CHSY3: variants seen among roughly 807,000 people sequenced by gnomAD.
The protein encoded by CHSY3 is N-acetylgalactosaminyl-proteoglycan 3-beta-glucuronosyltransferase 3.
Under a neutral mutation model 67.2 loss-of-function variants are expected in CHSY3, and 35 were observed. The observed-to-expected ratio is 0.52, with a 90% CI of 0.40 to 0.69. The LOEUF (loss-of-function observed/expected upper bound fraction) is 0.69, where lower values mean the gene tolerates loss of function less well. CHSY3 is among the 30% of genes least tolerant of loss of function. CHSY3 has a pLI of 0.00. For synonymous variants in CHSY3, 474 were observed against 434.7 expected (o/e 1.09, Z -1.12); for missense variants, 1,069 against 1,138.5 (o/e 0.94, Z 0.88).
chr5:130,100,503 A>G (rs1767206626), intron 2 of CHSY3, among the ~76,000 whole-genome samples: 1 of 152,184 alleles, frequency 6.6e-6, no homozygotes, highest in East Asian at 1.9e-4. Flanking sequence ...TGATGCTCAT[A>G]CACACCTATT....
intron 2 of CHSY3, among the ~76,000 whole-genome samples, chr5:129,945,472 A>T (rs1330518322): frequency 6.6e-6 from 1 of 151,906 alleles, no homozygotes; most frequent in Non-Finnish European, 1.5e-5. Flanking sequence ...AAATTTTTAA[A>T]GTTTTAATAT....
chr5:130,044,961 G>A (rs1358600073), intron 2 of CHSY3, among the ~76,000 whole-genome samples: 1 of 152,038 alleles, frequency 6.6e-6, no homozygotes, highest in Non-Finnish European at 1.5e-5. Flanking sequence ...TAGCATACTT[G>A]GATGGCATAA....
intron 2 of CHSY3, among the ~76,000 whole-genome samples, chr5:129,960,360 A>G (rs1762295483): frequency 6.6e-6 from 1 of 151,946 alleles, no homozygotes; most frequent in South Asian, 2.1e-4. Context: ...ATTTCCTGAT[A>G]CTCTTTAAAA....
intron 2 of CHSY3, among the ~76,000 whole-genome samples, chr5:130,048,431 T>C (rs568622680): frequency 1.3e-5 from 2 of 152,192 alleles, no homozygotes; most frequent in East Asian, 3.9e-4. Flanking sequence ...TTTCAGTGTA[T>C]ACCTTTGGAA....
chr5:130,038,242 T>G (rs1029145162), intron 2 of CHSY3, among the ~76,000 whole-genome samples: 1 of 152,130 alleles, frequency 6.6e-6, no homozygotes, highest in Non-Finnish European at 1.5e-5. Flanking sequence ...CCAGAACTTT[T>G]GTTCCTGAAA....
intron 2 of CHSY3, among the ~76,000 whole-genome samples, chr5:129,952,391 T>C (rs1031944405): frequency 6.6e-6 from 1 of 152,202 alleles, no homozygotes; most frequent in African/African-American, 2.4e-5. Flanking sequence ...TTTATTAATA[T>C]AATTGAAATA....
intron 2 of CHSY3, among the ~76,000 whole-genome samples, chr5:129,945,554 C>T (rs1254326468): frequency 3.3e-5 from 5 of 152,230 alleles, no homozygotes; most frequent in African/African-American, 1.2e-4. Flanking sequence ...CTCATTTCCC[C>T]TTCTGTTAAG....
At chr5:130,050,547 A>G (rs1211506117) in intron 2 of CHSY3, among the ~76,000 whole-genome samples, 1 of 152,144 alleles carries the variant, frequency 6.6e-6, no homozygotes, top group African/African-American at 2.4e-5. Flanking sequence ...CTGGTTGTAT[A>G]TAGAATTTAC....
intron 2 of CHSY3, among the ~76,000 whole-genome samples, chr5:130,108,587 TATC>T (rs1195874059): frequency 6.6e-6 from 1 of 151,738 alleles, no homozygotes; most frequent in African/African-American, 2.4e-5. Flanking sequence ...AAAGTTATAT[TATC>T]ATAAAAGCAC....
chr5:129,904,561 T>C lies in CHSY3; in HGVS notation c.-269T>C, dbSNP rs1487050195. 1 of 395,294 alleles carries C rather than the reference T, an allele frequency of 2.5e-6. No homozygotes were observed. Among genetic ancestry groups the C allele is most frequent in the Non-Finnish European group, 4.1e-6 (1 of 244,544 alleles). 24.5% of individuals were successfully genotyped at this position (395,294 alleles called of 1,614,324 possible). A position where few individuals can be genotyped will look rare whatever the true frequency, so the allele number is the denominator to read the frequency against. On this transcript the variant is annotated 5_prime_UTR_variant, in exon 1 of 3. Coordinates refer to ENST00000305031, the MANE Select transcript of CHSY3 (RefSeq NM_175856.5). ...CTCCAGCTGCCGCTGCTGCCGCCGC[T>C]GCCGCCACCGCCGCCGCCGGGAGAA...
At chr5:130,163,443 C>G (rs989461957) in intron 2 of CHSY3, among the ~76,000 whole-genome samples, 2 of 152,140 alleles carry the variant, frequency 1.3e-5, no homozygotes, top group Non-Finnish European at 2.9e-5. Flanking sequence ...ATGCCAGACC[C>G]ATGGAATTCA....
intron 2 of CHSY3, among the ~76,000 whole-genome samples, chr5:130,119,651 C>A (rs1296758090): frequency 6.6e-6 from 1 of 152,052 alleles, no homozygotes; most frequent in Admixed American, 6.6e-5. Context: ...CTTGACTCAG[C>A]ATTCATGTCA....
At chr5:129,947,355 G>A (rs1761887396) in intron 2 of CHSY3, among the ~76,000 whole-genome samples, 1 of 152,120 alleles carries the variant, frequency 6.6e-6, no homozygotes, top group Admixed American at 6.6e-5. Flanking sequence ...TTGGTGCAGT[G>A]GCCCACACCA....
rs1361406138 is a variant in CHSY3 at position 130,020,440 on chromosome 5, TATATATATATATATATATATA to T, written c.1086+112081_1086+112101del. On this transcript the variant is annotated intron_variant, in intron 2 of 2. Coordinates refer to ENST00000305031, the MANE Select transcript of CHSY3 (RefSeq NM_175856.5). ...ATCTCAAAATATATATATATATATA[TATATATATATATATATATATA>T]TTTTTTTTTTTTTTTTTTCCTCTGG... Among the ~76,000 whole-genome samples, 93 of 18,134 alleles carry T rather than the reference TATATATATATATATATATATA, an allele frequency of 5.1e-3. 2 individuals are homozygous for T. The highest frequency in any genetic ancestry group is 8.7e-3 in the African/African-American group (68 of 7,830). The allele number at this position is 18,134 out of a possible 152,430, so 11.9% of individuals were successfully genotyped here.
chr5:130,075,078 G>A (rs1256007992), intron 2 of CHSY3, among the ~76,000 whole-genome samples: 2 of 152,024 alleles, frequency 1.3e-5, no homozygotes, highest in Non-Finnish European at 2.9e-5. Flanking sequence ...AGCTATTTCT[G>A]TTTGTTTTTT....
At chr5:130,143,756 A>ATATATATGTGTGTGTGTG (rs1433405052) in intron 2 of CHSY3, among the ~76,000 whole-genome samples, 1 of 101,938 alleles carries the variant, frequency 9.8e-6, no homozygotes, top group African/African-American at 4.8e-5. Context: ...ATATATATAT[A>ATATATATGTGTGTGTGTG]TGTGTGTGTG....
intron 2 of CHSY3, among the ~76,000 whole-genome samples, chr5:129,974,252 A>G (rs950550220): frequency 2.6e-5 from 4 of 152,104 alleles, no homozygotes; most frequent in African/African-American, 9.7e-5. Flanking sequence ...TGAATCATGT[A>G]AAAGGGATGG....
At chr5:129,948,732 T>G (rs915042197) in intron 2 of CHSY3, among the ~76,000 whole-genome samples, 3 of 152,236 alleles carry the variant, frequency 2.0e-5, no homozygotes, top group Non-Finnish European at 2.9e-5. Flanking sequence ...AAATGGTAGT[T>G]CTACTTTTAG....
intron 2 of CHSY3, among the ~76,000 whole-genome samples, chr5:130,051,318 C>A (rs1452431305): frequency 1.3e-5 from 2 of 152,012 alleles, no homozygotes; most frequent in Non-Finnish European, 2.9e-5. Context: ...AATTGAAAAT[C>A]ACTATAGAAC....
Sources: gnomAD v4.1 joint callset for allele counts (sites outside exome capture counted in the v4.1 genomes callset) on GRCh38, gnomAD v4.1.1 for gene constraint, MANE v1.5 for transcripts, NCBI Gene and HGNC (gene_info 2026-07-23, HGNC 2026-07-21) for gene names.